The following GRIK1 variants were observed in gnomAD, a reference collection of about 807,000 sequenced individuals.
The protein encoded by GRIK1 is glutamate receptor ionotropic, kainate 1.
In GRIK1, 69 loss-of-function variants were observed where a neutral mutation model predicts 105.7. That is an observed-to-expected ratio of 0.65 (90% CI 0.54 to 0.80). The LOEUF (loss-of-function observed/expected upper bound fraction) is 0.80. Among genes scored for constraint, GRIK1 ranks in the 30% least tolerant of loss-of-function variants. The pLI is 0.00. For synonymous variants in GRIK1, 438 were observed against 431.3 expected (o/e 1.02, Z -0.19); for missense variants, 1,109 against 1,167.3 (o/e 0.95, Z 0.73).
chr21:29,830,260 G>A (rs1227984873), intron 1 of GRIK1, among the ~76,000 whole-genome samples: 2 of 149,706 alleles, frequency 1.3e-5, no homozygotes, highest in African/African-American at 4.9e-5. Context: ...GTTTTTCATG[G>A]GAAATAAACT....
At chr21:29,690,469 A>C (rs576735076) in intron 2 of GRIK1, among the ~76,000 whole-genome samples, 2 of 152,364 alleles carry the variant, frequency 1.3e-5, no homozygotes, top group Non-Finnish European at 2.9e-5. Context: ...TCCAAAACTC[A>C]GAAAGAAGTT....
intron 10 of GRIK1, 105 bp downstream of exon 10, chr21:29,591,007 A>G: frequency 1.3e-6 from 1 of 758,392 alleles, no homozygotes; most frequent in Non-Finnish European, 2.4e-6. Flanking sequence ...AAAAATAGAC[A>G]TTTGCAGACA....
At chr21:29,571,788 T>G (rs941063887) in intron 14 of GRIK1, among the ~76,000 whole-genome samples, 2 of 152,238 alleles carry the variant, frequency 1.3e-5, no homozygotes, top group Admixed American at 6.5e-5. Flanking sequence ...TTTTATCATT[T>G]GGGTACTGCC....
At chr21:29,767,408 G>T (rs945189252) in intron 1 of GRIK1, among the ~76,000 whole-genome samples, 21 of 151,800 alleles carry the variant, frequency 1.4e-4, no homozygotes, top group Non-Finnish European at 4.4e-5. Context: ...ACAGCAATTT[G>T]CTCATATGTA....
At chr21:29,861,995 T>C (rs1173449343) in intron 1 of GRIK1, among the ~76,000 whole-genome samples, 15 of 152,132 alleles carry the variant, frequency 9.9e-5, no homozygotes, top group Non-Finnish European at 2.2e-4. Context: ...ATTACTTATA[T>C]TTAATTTATG....
chr21:29,672,661 TAA>T (rs57993680), intron 4 of GRIK1, among the ~76,000 whole-genome samples: 1,972 of 152,128 alleles, frequency 0.013, 40 homozygotes, highest in African/African-American at 0.046. Flanking sequence ...TCAAGAGACA[TAA>T]GAGAGAGAGA....
At chr21:29,651,084 T>C in intron 6 of GRIK1, 34 bp downstream of exon 6, 1 of 1,532,280 alleles carries the variant, frequency 6.5e-7, no homozygotes, top group Non-Finnish European at 8.9e-7. Flanking sequence ...CATTCAAATA[T>C]TCTTGCAAAT....
intron 1 of GRIK1, among the ~76,000 whole-genome samples, chr21:29,779,108 G>C (rs946631008): frequency 2.0e-5 from 3 of 152,186 alleles, no homozygotes; most frequent in Non-Finnish European, 4.4e-5. Flanking sequence ...TTAAGGATGA[G>C]TATCTGAAAA....
chr21:29,843,754 T>A (rs919381141), intron 1 of GRIK1, among the ~76,000 whole-genome samples: 3 of 151,366 alleles, frequency 2.0e-5, no homozygotes, highest in Admixed American at 2.0e-4. Flanking sequence ...AATTCATTTG[T>A]CAGAGTTGGG....
intron 1 of GRIK1, among the ~76,000 whole-genome samples, chr21:29,893,864 AGGAGAGTCATT>A (rs1385686391): frequency 6.6e-6 from 1 of 152,194 alleles, no homozygotes; most frequent in Non-Finnish European, 1.5e-5. Context: ...CAGTCATTAC[AGGAGAGTCATT>A]GGAGAGTCAC....
intron 1 of GRIK1, among the ~76,000 whole-genome samples, chr21:29,862,576 G>T (rs541507057): frequency 3.3e-5 from 5 of 152,272 alleles, no homozygotes; most frequent in East Asian, 3.9e-4. Flanking sequence ...CCATCATGAG[G>T]TGTGGGTGCA....
At chr21:29,717,448 TTATCCAAGGCTGTGAGAGCCC>T (rs2064206484) in intron 1 of GRIK1, among the ~76,000 whole-genome samples, 1 of 152,280 alleles carries the variant, frequency 6.6e-6, no homozygotes, top group East Asian at 1.9e-4. Flanking sequence ...GAGGGGCAAG[TTATCCAAGGCTGTGAGAGCCC>T]ACCTTTTACA....
At chr21:29,834,672 TA>T (rs2067732479) in intron 1 of GRIK1, among the ~76,000 whole-genome samples, 1 of 151,220 alleles carries the variant, frequency 6.6e-6, no homozygotes, top group Non-Finnish European at 1.5e-5. Context: ...AACATAGCAA[TA>T]AAAATTATAC....
intron 7 of GRIK1, among the ~76,000 whole-genome samples, chr21:29,615,298 A>G (rs908767946): frequency 2.0e-5 from 3 of 150,120 alleles, no homozygotes; most frequent in Non-Finnish European, 4.4e-5. Context: ...ATGGCCCACT[A>G]TTCCTTTTTT....
intron 1 of GRIK1, among the ~76,000 whole-genome samples, chr21:29,827,523 AGGGT>A (rs903446511): frequency 1.3e-5 from 2 of 152,158 alleles, no homozygotes; most frequent in African/African-American, 4.8e-5. Flanking sequence ...TGCAGCAAGT[AGGGT>A]GGACATCTCA....
chr21:29,824,073 G>T (rs1168595841), intron 1 of GRIK1, among the ~76,000 whole-genome samples: 1 of 151,930 alleles, frequency 6.6e-6, no homozygotes, highest in Non-Finnish European at 1.5e-5. Flanking sequence ...CTGGTGAGGG[G>T]TGGTGGTGAC....
At chr21:29,717,054 G>A (rs148374308) in intron 1 of GRIK1, among the ~76,000 whole-genome samples, 3,474 of 152,330 alleles carry the variant, frequency 0.023, 138 homozygotes, top group African/African-American at 0.079. Context: ...GCTTCAGAGG[G>A]TGCAAGCCCC....
chr21:29,695,618 G>T (rs1172825431), intron 1 of GRIK1, among the ~76,000 whole-genome samples: 1 of 152,086 alleles, frequency 6.6e-6, no homozygotes, highest in Admixed American at 6.6e-5. Context: ...GGGATTACAG[G>T]CATGCACCAC....
At chr21:29,678,125 G>T (rs1345271742) in intron 3 of GRIK1, among the ~76,000 whole-genome samples, 1 of 152,144 alleles carries the variant, frequency 6.6e-6, no homozygotes, top group Admixed American at 6.5e-5. Context: ...AATTTTAAAT[G>T]TTAATTTCTT....
Sources: allele counts gnomAD v4.1 joint callset (sites outside exome capture counted in the v4.1 genomes callset), GRCh38; gene constraint gnomAD v4.1.1; transcripts MANE v1.5; gene names NCBI Gene and HGNC (gene_info 2026-07-23, HGNC 2026-07-21).